WHRN: variants seen among roughly 807,000 people sequenced by gnomAD.
The protein encoded by WHRN is CASK-interacting protein CIP98.
In WHRN, 41 loss-of-function variants were observed where a neutral mutation model predicts 68.3. That is an observed-to-expected ratio of 0.60 (90% CI 0.47 to 0.78). WHRN has a LOEUF of 0.78. WHRN is among the 30% of genes least tolerant of loss of function. WHRN has a pLI of 0.00. For missense variants in WHRN, 1,243 were observed against 1,244.7 expected, an observed-to-expected ratio of 1.00 and a Z score of 0.02; for synonymous variants, 560 against 561.3, an observed-to-expected ratio of 1.00 and a Z score of 0.03.
intron 3 of WHRN, among the ~76,000 whole-genome samples, chr9:114,455,024 C>T (rs1052960154): frequency 6.6e-6 from 1 of 152,020 alleles, no homozygotes; most frequent in Non-Finnish European, 1.5e-5. Context: ...ACAAATGAAC[C>T]TCAATCTCAC....
intron 3 of WHRN, among the ~76,000 whole-genome samples, chr9:114,463,680 A>G (rs1210629011): frequency 6.6e-6 from 1 of 152,202 alleles, no homozygotes; most frequent in East Asian, 1.9e-4. Context: ...CTAAGTCTAA[A>G]ATTATTCCAA....
At chr9:114,463,458 A>T (rs1439464157) in intron 3 of WHRN, among the ~76,000 whole-genome samples, 1 of 152,244 alleles carries the variant, frequency 6.6e-6, no homozygotes, top group African/African-American at 2.4e-5. Flanking sequence ...AACTTCATAC[A>T]GACTAAATGC....
intron 3 of WHRN, among the ~76,000 whole-genome samples, chr9:114,454,592 A>G (rs7042988): frequency 0.75 from 113,709 of 151,746 alleles, 42,757 homozygotes; most frequent in East Asian, 0.96. Context: ...AGAGATCTGT[A>G]TTCATTGATT....
At chr9:114,417,595 A>G (rs1835908616) in intron 7 of WHRN, among the ~76,000 whole-genome samples, 1 of 152,240 alleles carries the variant, frequency 6.6e-6, no homozygotes, top group African/African-American at 2.4e-5. Flanking sequence ...CAGAGGTATG[A>G]GGAGTGTGTG....
At chr9:114,499,298 C>T (rs969497575) in intron 1 of WHRN, among the ~76,000 whole-genome samples, 1 of 152,172 alleles carries the variant, frequency 6.6e-6, no homozygotes, top group African/African-American at 2.4e-5. Context: ...AGCACAAAAT[C>T]TTAAAAATCA....
Position 114,402,559 on chromosome 9 carries a change from C to T in WHRN, c.*195G>A, listed in dbSNP as rs1834754719. 1 of 708,510 alleles carries T rather than the reference C, an allele frequency of 1.4e-6. No individual in the cohort carries two copies. The highest frequency in any genetic ancestry group is 2.4e-6 in the Non-Finnish European group (1 of 410,762). The allele number at this position is 708,510 out of a possible 1,614,324, so 43.9% of individuals were successfully genotyped here. Reference sequence around the variant, plus strand: ...TACCCAGTACAGCACCAGTTCCTGACCTGACCTTCTGTCTGCCTTGTCCTG... The same window carrying T: ...TACCCAGTACAGCACCAGTTCCTGATCTGACCTTCTGTCTGCCTTGTCCTG... On this transcript the variant is annotated 3_prime_UTR_variant, in exon 12 of 12. Transcript: ENST00000362057.
intron 7 of WHRN, among the ~76,000 whole-genome samples, chr9:114,415,834 C>A (rs1315629302): frequency 2.6e-5 from 4 of 152,176 alleles, no homozygotes; most frequent in Non-Finnish European, 5.9e-5. Context: ...TTCTCTAAAC[C>A]ATCCAGGTTG....
rs1256127102 is a variant in WHRN at position 114,504,097 on chromosome 9, C to G, written c.618+87G>C. Reference sequence around the variant, plus strand: ...AGCCCAGAAAGGCCAAGTGATTCATCTAAGGACACACAGCATGGAGTTACT... The same window carrying G: ...AGCCCAGAAAGGCCAAGTGATTCATGTAAGGACACACAGCATGGAGTTACT... On this transcript the variant is annotated intron_variant, in intron 1 of 11. Coordinates refer to ENST00000362057, the MANE Select transcript of WHRN (RefSeq NM_015404.4). 7 of 1,586,506 alleles carry G rather than the reference C, an allele frequency of 4.4e-6. No homozygotes were observed. In the Admixed American group the frequency reaches 1.2e-4, roughly 27 times the overall value.
At chr9:114,456,159 A>T (rs1047394995) in intron 3 of WHRN, among the ~76,000 whole-genome samples, 1 of 148,596 alleles carries the variant, frequency 6.7e-6, no homozygotes, top group African/African-American at 2.5e-5. Flanking sequence ...AAACATCTCC[A>T]AATGGGCAAA....
At chr9:114,497,784 A>G (rs1843590399) in intron 1 of WHRN, among the ~76,000 whole-genome samples, 1 of 152,154 alleles carries the variant, frequency 6.6e-6, no homozygotes, top group African/African-American at 2.4e-5. Context: ...CCAGGCACAG[A>G]CCACATTTTT....
At chr9:114,452,176 T>G (rs1368559452) in intron 3 of WHRN, among the ~76,000 whole-genome samples, 1 of 152,244 alleles carries the variant, frequency 6.6e-6, no homozygotes, top group Non-Finnish European at 1.5e-5. Context: ...TTATCACCAC[T>G]ACCCTCATGC....
chr9:114,403,004 G>T, intron 11 of WHRN, 68 bp from the exon 12 acceptor site: 9 of 1,559,762 alleles, frequency 5.8e-6, no homozygotes, highest in Non-Finnish European at 7.8e-6. Flanking sequence ...ACCACCAACT[G>T]GGTCAGTCCC....
chr9:114,465,011 T>A (rs1278733862), intron 3 of WHRN, among the ~76,000 whole-genome samples: 1 of 152,148 alleles, frequency 6.6e-6, no homozygotes, highest in African/African-American at 2.4e-5. Context: ...GGTGAGGGCT[T>A]ACGTAGTGTT....
intron 1 of WHRN, among the ~76,000 whole-genome samples, chr9:114,499,563 G>C (rs887693362): frequency 2.6e-5 from 4 of 152,310 alleles, no homozygotes; most frequent in African/African-American, 9.6e-5. Flanking sequence ...TCACCAGTTG[G>C]AGCCTAATCC....
intron 3 of WHRN, among the ~76,000 whole-genome samples, chr9:114,431,104 G>T (rs1353777218): frequency 6.6e-6 from 1 of 152,192 alleles, no homozygotes; most frequent in Non-Finnish European, 1.5e-5. Context: ...GTGTCCTAGT[G>T]TCACCCCGTG....
At chr9:114,501,034 A>T (rs1355248649) in intron 1 of WHRN, among the ~76,000 whole-genome samples, 1 of 152,198 alleles carries the variant, frequency 6.6e-6, no homozygotes, top group Non-Finnish European at 1.5e-5. Context: ...AGCAAATCAC[A>T]GACTGTCCAA....
rs754437435 is a variant in WHRN, at chr9:114,504,499, G to C, written c.303C>G (p.Ser101=). 5 of 1,609,016 alleles carry C rather than the reference G, an allele frequency of 3.1e-6. No homozygotes were observed. Among genetic ancestry groups the C allele is most frequent in the Middle Eastern group, 1.6e-4 (1 of 6,084 alleles). Residue 101 remains serine (S), a synonymous_variant, in exon 1 of 12, where the codon TCC becomes TCG. Transcript: ENST00000362057. ...LPMLRLVIPR[S]DQLLFDQYTA... The stretch of plus-strand genomic sequence containing the variant: ...TGTATTGGTCGAAGAGCAGCTGGTC[G>C]GAGCGCGGGATGACCAGACGAAGCA...
Position 114,406,566 on chromosome 9 carries a change from G to C in WHRN, c.2025C>G (p.His675Gln). The C allele has an allele frequency of 6.2e-7, 1 of 1,611,860 alleles. No homozygotes were observed. The highest frequency in any genetic ancestry group is 8.5e-7 in the Non-Finnish European group (1 of 1,178,526). Residue 675 changes from histidine to glutamine, a missense_variant, in exon 9 of 12, where the codon CAC becomes CAG. Coordinates refer to ENST00000362057, the MANE Select transcript of WHRN (RefSeq NM_015404.4). ...GGACCCGTGGGAAGGGGCCGATGGG[G>C]TGTTGGTTGACCAGGGCCAGATGGG... is the stretch of plus-strand genomic sequence containing the variant. ...LDAHLALVNQ[H>Q]PIGPFPRVQS...
chr9:114,500,050 AG>A (rs1843791277), intron 1 of WHRN, among the ~76,000 whole-genome samples: 1 of 152,218 alleles, frequency 6.6e-6, no homozygotes, highest in Non-Finnish European at 1.5e-5. Context: ...CAGATGAAAG[AG>A]GATTTTGTCC....
Sources: allele counts gnomAD v4.1 joint callset (sites outside exome capture counted in the v4.1 genomes callset), GRCh38; gene constraint gnomAD v4.1.1; transcripts MANE v1.5; gene names NCBI Gene and HGNC (gene_info 2026-07-23, HGNC 2026-07-21).